STRADB: variants seen among roughly 807,000 people sequenced by gnomAD.
STRADB encodes the protein STE20-related kinase adapter protein beta.
STRADB carries 34 observed loss-of-function variants against 52.1 expected under a neutral mutation model. That is an observed-to-expected ratio of 0.65 (90% CI 0.50 to 0.87). The LOEUF is 0.87. Ranked by LOEUF, STRADB falls within the 40% of genes least tolerant of loss-of-function variation. The pLI, the probability that STRADB is intolerant of heterozygous loss-of-function variation, is 0.00. For synonymous variants in STRADB, 133 were observed against 174.5 expected (o/e 0.76, Z 1.87); for missense variants, 340 against 483.9 (o/e 0.70, Z 2.79).
At chr2:201,471,236 G>A (rs1216314137) in intron 4 of STRADB, among the ~76,000 whole-genome samples, 1 of 152,202 alleles carries the variant, frequency 6.6e-6, no homozygotes, top group African/African-American at 2.4e-5. Context: ...ACTGAGGAAG[G>A]ATGGTTAGGG....
rs763741485 is a variant in STRADB, at chr2:201,461,493, ATGTT to A, written c.93+2631_93+2634del. Among the ~76,000 whole-genome samples the A allele has an allele frequency of 1.4e-3, 215 of 152,302 alleles. 1 individual carries two copies. The highest frequency in any genetic ancestry group is 6.8e-3 in the Middle Eastern group (2 of 294). On this transcript the variant is annotated intron_variant, in intron 3 of 11. Coordinates refer to ENST00000194530, the MANE Select transcript of STRADB (RefSeq NM_018571.6). ...AGAACTGTATGTCTTCTTTTGAGAAATGTTTATTTCTAGATCTTTTGCCCATTTT... is the reference window on the plus strand; with the variant it reads ...AGAACTGTATGTCTTCTTTTGAGAAATATTTCTAGATCTTTTGCCCATTTT...
At chr2:201,478,907 C>G (rs1438368502) in intron 10 of STRADB, among the ~76,000 whole-genome samples, 1 of 151,942 alleles carries the variant, frequency 6.6e-6, no homozygotes, top group Admixed American at 6.6e-5. Flanking sequence ...AACCCCGTCT[C>G]TACTAAAAAT....
rs1407220112 is a variant in STRADB, at chr2:201,477,788, C to G, written c.718C>G (p.Gln240Glu). 1 of 1,612,370 alleles carries G rather than the reference C, an allele frequency of 6.2e-7. No homozygotes were observed. The highest frequency in any genetic ancestry group is 1.7e-5 in the Admixed American group (1 of 59,998). Residue 240 changes from glutamine to glutamate, a missense_variant and splice_region_variant, in exon 8 of 12, where the codon CAG becomes GAG. Physicochemically the swap from Gln to Glu is conservative, Grantham distance 29. Coordinates refer to ENST00000194530, the MANE Select transcript of STRADB (RefSeq NM_018571.6). Reference protein sequence around the residue: ...QPWLSPELLRQDLHGYNVKSD... With the variant: ...QPWLSPELLREDLHGYNVKSD... Reference sequence around the variant, plus strand: ...GTGGCTGAGTCCAGAACTACTGAGACAGGTCAGGTGTGGCCGTTGGATTGG... The same window carrying G: ...GTGGCTGAGTCCAGAACTACTGAGAGAGGTCAGGTGTGGCCGTTGGATTGG...
intron 2 of STRADB, 89 bp from the exon 3 acceptor site, chr2:201,458,695 G>T: frequency 8.8e-7 from 1 of 1,136,680 alleles, no homozygotes; most frequent in Admixed American, 2.0e-5. Flanking sequence ...TTTCCCCACT[G>T]TAGTCATTAG....
At chr2:201,470,918 T>G (rs1278575080) in intron 4 of STRADB, among the ~76,000 whole-genome samples, 1 of 152,214 alleles carries the variant, frequency 6.6e-6, no homozygotes, top group Non-Finnish European at 1.5e-5. Context: ...GAACTAGGCT[T>G]GGAAGAAGCC....
intron 3 of STRADB, among the ~76,000 whole-genome samples, chr2:201,466,427 T>A (rs1255623951): frequency 1.3e-5 from 2 of 152,186 alleles, no homozygotes; most frequent in African/African-American, 4.8e-5. Flanking sequence ...AAAAATGAAT[T>A]GGAAAAGTTG....
Position 201,474,699 on chromosome 2 carries a change from G to GAT in STRADB, c.368_369insAT (p.Trp123Ter), listed in dbSNP as rs1952445191. ...FFRHPNITTY[W>*]TVFTVGSWLW... Reference sequence around the variant, plus strand: ...CGGCATCCCAATATTACAACTTATTGGACAGTTTTCACTGTTGGCAGCTGG... The same window carrying GAT: ...CGGCATCCCAATATTACAACTTATTGATGACAGTTTTCACTGTTGGCAGCTGG... The change falls in exon 6 of 12, where the codon TGG becomes TGATG. Residue 123 changes from tryptophan (W) to a stop codon, truncating the protein, a stop_gained and frameshift_variant. Transcript: ENST00000194530. LOFTEE classifies it high-confidence loss of function. 1.2e-6 allele frequency: 2 copies of GAT among 1,611,622 alleles called. No individual in the cohort carries two copies. Among genetic ancestry groups the GAT allele is most frequent in the Non-Finnish European group, 1.7e-6 (2 of 1,179,316 alleles).
Position 201,475,652 on chromosome 2 carries a change from C to G in STRADB, c.458C>G (p.Pro153Arg). The G allele has an allele frequency of 6.2e-7, 1 of 1,611,860 alleles. No individual in the cohort carries two copies. Among genetic ancestry groups the G allele is most frequent in the South Asian group, 1.1e-5 (1 of 90,986 alleles). ...SASQLLRTYFPEGMSETLIRN... is the reference protein window; with the variant it reads ...SASQLLRTYFREGMSETLIRN... The stretch of plus-strand genomic sequence containing the variant: ...AGTCAACTCTTGAGGACCTATTTTC[C>G]TGAAGGAATGAGTGAAACTTTAATA... The change falls in exon 7 of 12, where the codon CCT becomes CGT. Residue 153 changes from proline to arginine, a missense_variant. Pro to Arg is a moderately radical substitution (Grantham distance 103, BLOSUM62 -2). Coordinates refer to ENST00000194530, the MANE Select transcript of STRADB (RefSeq NM_018571.6).
chr2:201,454,896 A>C (rs372825006), intron 2 of STRADB, 44 bp downstream of exon 2: 1 of 1,571,806 alleles, frequency 6.4e-7, no homozygotes, highest in African/African-American at 1.4e-5. Context: ...CTGTCAGAGT[A>C]GTTGGATGTT....
At chr2:201,476,981 C>T (rs1217558051) in intron 7 of STRADB, among the ~76,000 whole-genome samples, 2 of 30,050 alleles carry the variant, frequency 6.7e-5, no homozygotes, top group Non-Finnish European at 1.1e-4. Flanking sequence ...GATTCTGTCT[C>T]AAAAAAAAAA....
intron 7 of STRADB, among the ~76,000 whole-genome samples, chr2:201,477,066 T>G (rs1479685518): frequency 9.3e-6 from 1 of 107,568 alleles, no homozygotes; most frequent in African/African-American, 3.4e-5. Flanking sequence ...TTTTTTTTTT[T>G]TTTTTTTTTT....
intron 7 of STRADB, among the ~76,000 whole-genome samples, chr2:201,477,379 G>A (rs75544756): frequency 8.2e-4 from 125 of 152,226 alleles, no homozygotes; most frequent in East Asian, 2.3e-3. Context: ...TTCTTAACAC[G>A]TAGCTTTCAA....
At chr2:201,453,997 C>T (rs1374326902) in intron 1 of STRADB, among the ~76,000 whole-genome samples, 1 of 152,180 alleles carries the variant, frequency 6.6e-6, no homozygotes, top group Admixed American at 6.5e-5. Context: ...ACAAAATCTT[C>T]CCTTTCTCAT....
intron 1 of STRADB, 95 bp downstream of exon 1, chr2:201,452,033 C>CT (rs1952050029): frequency 1.3e-5 from 2 of 152,402 alleles, no homozygotes; most frequent in South Asian, 4.1e-4. Context: ...CCCGGGAAGC[C>CT]AGAGGCCAGA....
At chr2:201,475,149 T>A (rs770082762) in intron 6 of STRADB, among the ~76,000 whole-genome samples, 1 of 152,232 alleles carries the variant, frequency 6.6e-6, no homozygotes, top group Non-Finnish European at 1.5e-5. Context: ...TCTTTGTGTG[T>A]GTCCATGTCC....
chr2:201,463,483 T>G (rs1453087015), intron 3 of STRADB, among the ~76,000 whole-genome samples: 1 of 152,242 alleles, frequency 6.6e-6, no homozygotes, highest in Non-Finnish European at 1.5e-5. Flanking sequence ...TTTAGTATCC[T>G]TTCTTTATCC....
In STRADB at chr2:201,477,628, A is replaced by C. The variant is rs1454507350; in HGVS notation, c.558A>C (p.Lys186Asn). 1 of 1,605,666 alleles carries C rather than the reference A, an allele frequency of 6.2e-7. No homozygotes were observed. The highest frequency in any genetic ancestry group is 1.3e-5 in the African/African-American group (1 of 74,784). Residue 186 changes from lysine (K) to asparagine (N), a missense_variant, in exon 8 of 12, where the codon AAA becomes AAC. By Grantham distance (94) the Lys-to-Asn change is moderately conservative (BLOSUM62 0). Coordinates refer to ENST00000194530, the MANE Select transcript of STRADB (RefSeq NM_018571.6). ...HQNGCIHRSIKASHILISGDG... is the reference protein window; with the variant it reads ...HQNGCIHRSINASHILISGDG... ...TTTCTTTTTGTTCTAGGAGTATTAA[A>C]GCCAGCCATATCCTCATTTCTGGTG...
rs940775082 is a variant in STRADB at position 201,469,993 on chromosome 2, G to C, written c.134G>C (p.Arg45Thr). The C allele has an allele frequency of 4.3e-6, 7 of 1,613,918 alleles. No individual in the cohort carries two copies. In the African/African-American group the frequency reaches 9.3e-5, roughly 22 times the overall value. ...PTLSWSRPST[R>T]ASEVLCSTNV... ...CTTTCCTGGTCACGTCCATCCACTAGAGCCAGTGAAGTACTATGTTCCACC... is the reference window on the plus strand; with the variant it reads ...CTTTCCTGGTCACGTCCATCCACTACAGCCAGTGAAGTACTATGTTCCACC... Residue 45 changes from arginine to threonine, a missense_variant, in exon 4 of 12, where the codon AGA (arginine) becomes ACA (threonine). Physicochemically the swap from Arg to Thr is moderately conservative, Grantham distance 71 (BLOSUM62 -1). Coordinates refer to ENST00000194530, the MANE Select transcript of STRADB (RefSeq NM_018571.6).
chr2:201,477,052 GTTTTTTTTTTT>G (rs1221462406), intron 7 of STRADB, among the ~76,000 whole-genome samples: 1 of 57,040 alleles, frequency 1.8e-5, no homozygotes, highest in African/African-American at 7.1e-5. Context: ...AATATTATCA[GTTTTTTTTTTT>G]TTTTTTTTTT....
Sources: allele counts gnomAD v4.1 joint callset (sites outside exome capture counted in the v4.1 genomes callset), GRCh38; gene constraint gnomAD v4.1.1; transcripts MANE v1.5; gene names NCBI Gene and HGNC (gene_info 2026-07-23, HGNC 2026-07-21).